Variants in MLIP observed in about 807,000 individuals in gnomAD.
MLIP encodes muscular LMNA-interacting protein.
In MLIP, 79 loss-of-function variants were observed where a neutral mutation model predicts 84.8. The ratio of observed to expected loss-of-function variants is 0.93; its 90% CI spans 0.78 to 1.12. The LOEUF is 1.12. MLIP is among the 50% of genes most tolerant of loss of function. MLIP has a pLI of 0.00. For missense variants in MLIP, 1,257 were observed against 1,160.6 expected, an observed-to-expected ratio of 1.08 and a Z score of -1.21; for synonymous variants, 504 against 463.0, an observed-to-expected ratio of 1.09 and a Z score of -1.14.
intron 12 of MLIP, among the ~76,000 whole-genome samples, chr6:54,246,629 A>G (rs1458361103): frequency 6.6e-6 from 1 of 151,986 alleles, no homozygotes; most frequent in African/African-American, 2.4e-5. Flanking sequence ...TAATTCTACC[A>G]TATTATCACA....
At chr6:54,190,655 A>G (rs1411953067) in intron 10 of MLIP, among the ~76,000 whole-genome samples, 1 of 152,160 alleles carries the variant, frequency 6.6e-6, no homozygotes, top group African/African-American at 2.4e-5. Context: ...TCCAGACTCT[A>G]AAATCTGTTA....
At chr6:54,227,418 A>T (rs1582560159) in intron 11 of MLIP, among the ~76,000 whole-genome samples, 1 of 152,206 alleles carries the variant, frequency 6.6e-6, no homozygotes, top group Non-Finnish European at 1.5e-5. Flanking sequence ...GAGAAGAGAG[A>T]AGAAAAAGAG....
chr6:54,083,500 G>GT lies in MLIP; in HGVS notation c.64-37947_64-37946insT, dbSNP rs1767294031. ...CTGACACAGGCAAGTGTTTGTCAAT[G>GT]AGTTCTATTGGCTGACACTGACCTT... On this transcript the variant is annotated intron_variant, in intron 1 of 12. Coordinates refer to the MLIP transcript ENST00000274897. 6 of 1,534,962 alleles carry GT rather than the reference G, an allele frequency of 3.9e-6. No individual in the cohort carries two copies. In the Admixed American group the frequency reaches 5.9e-5, roughly 15 times the overall value.
rs189843502 is a variant in MLIP at position 54,204,040 on chromosome 6, T to C, written c.2718+1807T>C. Among the ~76,000 whole-genome samples the C allele has an allele frequency of 4.5e-3, 683 of 152,356 alleles. 3 individuals are homozygous for C. The highest frequency in any genetic ancestry group is 0.031 in the Middle Eastern group (9 of 294). Reference sequence around the variant, plus strand: ...CCTTGAAAAAGTTCATTACAAATACTTTTTATGATTAGTTCTAGTTTTTAT... The same window carrying C: ...CCTTGAAAAAGTTCATTACAAATACCTTTTATGATTAGTTCTAGTTTTTAT... On this transcript the variant is annotated intron_variant, in intron 11 of 13. Coordinates refer to ENST00000502396, the MANE Select transcript of MLIP (RefSeq NM_001281747.2).
chr6:54,108,147 T>G (rs1014234832), upstream of MLIP, among the ~76,000 whole-genome samples: 1 of 152,332 alleles, frequency 6.6e-6, no homozygotes, highest in Non-Finnish European at 1.5e-5. Flanking sequence ...AAGAGAATTT[T>G]GGATTGTATT....
intron 3 of MLIP, 78 bp downstream of exon 3, chr6:54,124,943 C>A: frequency 1.5e-6 from 2 of 1,344,398 alleles, no homozygotes; most frequent in Admixed American, 5.1e-5. Flanking sequence ...TCTGCAAAGG[C>A]CATCCTGTTT....
intron 12 of MLIP, among the ~76,000 whole-genome samples, chr6:54,231,280 A>T (rs1780982298): frequency 6.6e-6 from 1 of 152,196 alleles, no homozygotes; most frequent in Non-Finnish European, 1.5e-5. Context: ...GCTTCTTTAA[A>T]TTACAGTGCC....
intron 1 of MLIP, among the ~76,000 whole-genome samples, chr6:54,112,247 C>T (rs1040252364): frequency 1.3e-5 from 2 of 152,304 alleles, no homozygotes; most frequent in South Asian, 2.1e-4. Flanking sequence ...TACATTGGAA[C>T]TTAGCCACAG....
chr6:54,225,286 A>G (rs1044939338), intron 11 of MLIP, among the ~76,000 whole-genome samples: 23 of 152,296 alleles, frequency 1.5e-4, no homozygotes, highest in Non-Finnish European at 1.5e-5. Context: ...AGGGTATAGT[A>G]TAGCCTATTG....
In MLIP at chr6:54,137,319, T is replaced by G. The variant is rs1771898806; in HGVS notation, c.1250T>G (p.Leu417Arg). 11 of 1,535,906 alleles carry G rather than the reference T, an allele frequency of 7.2e-6. No homozygotes were observed. The highest frequency in any genetic ancestry group is 9.6e-6 in the Non-Finnish European group (11 of 1,146,900). ...CCGGTGCCTTCCCGGCTTGCCCTTC[T>G]CACTGCCATTCTCAAGTCAAACCCT... ...KSPVPSRLAL[L>R]TAILKSNPSH... Residue 417 changes from leucine to arginine, a missense_variant, in exon 4 of 14, where the codon CTC becomes CGC. Transcript: ENST00000502396.
At chr6:54,062,574 G>A (rs1273789244) in intron 1 of MLIP, among the ~76,000 whole-genome samples, 3 of 152,136 alleles carry the variant, frequency 2.0e-5, no homozygotes, top group Non-Finnish European at 4.4e-5. Context: ...GTGGGGCCCT[G>A]TCATTTTCTG....
At chr6:54,133,715 TTACATAGG>T (rs1451332561) in intron 3 of MLIP, among the ~76,000 whole-genome samples, 3 of 152,180 alleles carry the variant, frequency 2.0e-5, no homozygotes, top group African/African-American at 7.2e-5. Context: ...ATGGTCTCTA[TTACATAGG>T]ATCTGAGGGT....
intron 12 of MLIP, among the ~76,000 whole-genome samples, chr6:54,244,813 C>T (rs1339925974): frequency 5.3e-5 from 8 of 152,156 alleles, no homozygotes; most frequent in Admixed American, 5.2e-4. Flanking sequence ...GTAGCAAGAA[C>T]ACCTGCCCCA....
At chr6:54,114,985 A>C (rs777662663) in intron 1 of MLIP, among the ~76,000 whole-genome samples, 4 of 152,216 alleles carry the variant, frequency 2.6e-5, no homozygotes, top group Non-Finnish European at 5.9e-5. Flanking sequence ...ACGAAATAGG[A>C]AACAAAGTCA....
chr6:54,247,069 A>T (rs1413801214), intron 12 of MLIP, among the ~76,000 whole-genome samples: 1 of 152,180 alleles, frequency 6.6e-6, no homozygotes, highest in Non-Finnish European at 1.5e-5. Context: ...TTTTTAAGAC[A>T]GGTTTTTATT....
chr6:54,086,299 A>C (rs528104), intron 1 of MLIP, among the ~76,000 whole-genome samples: 150,405 of 152,196 alleles, frequency 0.99, 74,340 homozygotes, highest in East Asian at 1. Flanking sequence ...TACTCAGCAT[A>C]TTTACTTGAA....
At chr6:54,202,052 T>C in intron 10 of MLIP, 53 bp from the exon 11 acceptor site, 10 of 1,315,776 alleles carry the variant, frequency 7.6e-6, no homozygotes, top group African/African-American at 1.5e-5. Flanking sequence ...TATTTGTTCA[T>C]TTTAATAGTG....
intron 4 of MLIP, among the ~76,000 whole-genome samples, chr6:54,140,267 T>G (rs1214087667): frequency 6.6e-6 from 1 of 152,140 alleles, no homozygotes; most frequent in African/African-American, 2.4e-5. Flanking sequence ...TTCTCCTGTT[T>G]TGGATATAGT....
intron 10 of MLIP, among the ~76,000 whole-genome samples, chr6:54,192,440 T>A (rs758157039): frequency 6.6e-5 from 10 of 152,046 alleles, no homozygotes; most frequent in Non-Finnish European, 1.5e-4. Context: ...TAAGACATAT[T>A]ATAGGACATG....
Sources: allele counts gnomAD v4.1 joint callset (sites outside exome capture counted in the v4.1 genomes callset), GRCh38; gene constraint gnomAD v4.1.1; transcripts MANE v1.5; gene names NCBI Gene and HGNC (gene_info 2026-07-23, HGNC 2026-07-21).